Variants in CACNA2D3 observed in about 807,000 individuals in gnomAD.
The protein encoded by CACNA2D3 is calcium voltage-gated channel auxiliary subunit alpha2delta 3.
CACNA2D3 carries 60 observed loss-of-function variants against 160.6 expected under a neutral mutation model. That is an observed-to-expected ratio of 0.37 (90% CI 0.30 to 0.46). The LOEUF (loss-of-function observed/expected upper bound fraction) is 0.46, where lower values mean the gene tolerates loss of function less well. CACNA2D3 is among the 20% of genes least tolerant of loss of function. The pLI is 1.00. For missense variants in CACNA2D3, 1,205 were observed against 1,365.0 expected (o/e 0.88, Z 1.85); for synonymous variants, 558 against 492.9 (o/e 1.13, Z -1.75).
chr3:54,602,102 C>G (rs1295453433), intron 9 of CACNA2D3, among the ~76,000 whole-genome samples: 1 of 152,142 alleles, frequency 6.6e-6, no homozygotes, highest in African/African-American at 2.4e-5. Flanking sequence ...GTGTCTGCAG[C>G]AAGCCATAGT....
chr3:55,029,808 A>G (rs1403454222), intron 35 of CACNA2D3, among the ~76,000 whole-genome samples: 2 of 152,202 alleles, frequency 1.3e-5, no homozygotes, highest in Non-Finnish European at 2.9e-5. Flanking sequence ...AAGTTTTTTA[A>G]CCACTTAACT....
At chr3:54,350,992 T>TTTTTTG in intron 3 of CACNA2D3, among the ~76,000 whole-genome samples, 1 of 110,976 alleles carries the variant, frequency 9.0e-6, no homozygotes, top group Non-Finnish European at 2.0e-5. Context: ...GTTTGTTTTT[T>TTTTTTG]TTTTTTTTTT....
chr3:54,163,426 C>T (rs1559868080), intron 2 of CACNA2D3, among the ~76,000 whole-genome samples: 1 of 152,208 alleles, frequency 6.6e-6, no homozygotes, highest in African/African-American at 2.4e-5. Flanking sequence ...AAGGACCTGC[C>T]ATTCTCTGGG....
At chr3:54,813,485 A>G (rs974282272) in intron 13 of CACNA2D3, among the ~76,000 whole-genome samples, 4 of 152,132 alleles carry the variant, frequency 2.6e-5, no homozygotes, top group East Asian at 1.9e-4. Context: ...TTTCAAATCT[A>G]TTCCTCTAGC....
intron 31 of CACNA2D3, among the ~76,000 whole-genome samples, chr3:54,998,988 C>T (rs941003626): frequency 1.4e-4 from 21 of 152,158 alleles, no homozygotes; most frequent in African/African-American, 4.3e-4. Context: ...CCTCATGATC[C>T]GCCCGCCTTG....
chr3:54,799,495 A>G (rs1325114826), intron 13 of CACNA2D3, among the ~76,000 whole-genome samples: 1 of 152,068 alleles, frequency 6.6e-6, no homozygotes, highest in Non-Finnish European at 1.5e-5. Flanking sequence ...TAGTTAAGTT[A>G]CTATACAGAT....
intron 27 of CACNA2D3, among the ~76,000 whole-genome samples, chr3:54,916,721 T>A (rs1700671272): frequency 6.6e-6 from 1 of 152,202 alleles, no homozygotes; most frequent in Non-Finnish European, 1.5e-5. Context: ...TTCACCCGTT[T>A]CCCTGCATCT....
At chr3:55,028,011 A>C (rs2107172516) in intron 35 of CACNA2D3, among the ~76,000 whole-genome samples, 1 of 152,338 alleles carries the variant, frequency 6.6e-6, no homozygotes, top group East Asian at 1.9e-4. Context: ...GCTAGAACTA[A>C]GTAAATCATG....
At chr3:54,579,162 C>T (rs774561154) in intron 8 of CACNA2D3, among the ~76,000 whole-genome samples, 1 of 152,114 alleles carries the variant, frequency 6.6e-6, no homozygotes, top group Non-Finnish European at 1.5e-5. Context: ...AGTAAAACCA[C>T]GGTGGGAACC....
At position 54,986,573 on chromosome 3, in the gene CACNA2D3, C is replaced by T. The variant is rs576298409; in HGVS notation, c.2620-1110C>T. Among the ~76,000 whole-genome samples the T allele has an allele frequency of 1.8e-3, 281 of 152,318 alleles. 3 individuals carry two copies. Among genetic ancestry groups the T allele is most frequent in the African/African-American group, 6.4e-3 (267 of 41,566 alleles). On this transcript the variant is annotated intron_variant, in intron 30 of 37. Coordinates refer to ENST00000474759, the MANE Select transcript of CACNA2D3 (RefSeq NM_018398.3). ...TTTCCTTCTTCCTCCTTTTCTCCCC[C>T]TTTACATTTTGCCAAAGTTTATATA...
chr3:55,074,222 T>C lies in CACNA2D3; in HGVS notation c.*16T>C. ...CTCAAGGTGACACTGACTGAGATGT[T>C]CTCTTACTGACTGAGATGTTCTCTT... On this transcript the variant is annotated 3_prime_UTR_variant, in exon 38 of 38. Transcript: ENST00000474759. 1 of 1,009,328 alleles carries C rather than the reference T, an allele frequency of 9.9e-7. No homozygotes were observed. The highest frequency in any genetic ancestry group is 1.4e-6 in the Non-Finnish European group (1 of 700,206). The allele number at this position is 1,009,328 out of a possible 1,614,324, so 62.5% of individuals were successfully genotyped here.
intron 11 of CACNA2D3, among the ~76,000 whole-genome samples, chr3:54,682,058 G>A (rs1700360877): frequency 6.6e-6 from 1 of 151,972 alleles, no homozygotes. Flanking sequence ...ACAAATATGG[G>A]GGGGATTTGG....
intron 2 of CACNA2D3, among the ~76,000 whole-genome samples, chr3:54,142,483 A>G (rs1699955853): frequency 6.6e-6 from 1 of 152,050 alleles, no homozygotes; most frequent in South Asian, 2.1e-4. Context: ...CTTGATTTCT[A>G]ATTACTGTTG....
chr3:54,832,846 C>A (rs772904182), intron 14 of CACNA2D3, among the ~76,000 whole-genome samples: 6 of 152,104 alleles, frequency 3.9e-5, no homozygotes, highest in Admixed American at 2.0e-4. Context: ...AGCTGATGCT[C>A]GAGGAGTGTT....
At chr3:54,772,151 A>G (rs75925701) in intron 13 of CACNA2D3, among the ~76,000 whole-genome samples, 1 of 148,836 alleles carries the variant, frequency 6.7e-6, no homozygotes, top group African/African-American at 2.5e-5. Context: ...TTTGTTGATT[A>G]TCTAGTATGT....
chr3:55,035,129 C>T (rs1369502096), intron 35 of CACNA2D3, among the ~76,000 whole-genome samples: 1 of 152,068 alleles, frequency 6.6e-6, no homozygotes, highest in African/African-American at 2.4e-5. Flanking sequence ...TTTTATTTCT[C>T]ATATTAAGGT....
intron 27 of CACNA2D3, among the ~76,000 whole-genome samples, chr3:54,930,030 A>T (rs1378241852): frequency 6.6e-6 from 1 of 152,244 alleles, no homozygotes; most frequent in African/African-American, 2.4e-5. Context: ...CTTAAGAGCC[A>T]TCAGTCTCCA....
intron 3 of CACNA2D3, among the ~76,000 whole-genome samples, chr3:54,370,930 T>C (rs1308189708): frequency 6.6e-6 from 1 of 152,154 alleles, no homozygotes. Context: ...TCTGTTTCTA[T>C]GGATTTGCCT....
At chr3:55,056,259 C>A (rs1004050365) in intron 35 of CACNA2D3, among the ~76,000 whole-genome samples, 1 of 152,106 alleles carries the variant, frequency 6.6e-6, no homozygotes, top group African/African-American at 2.4e-5. Flanking sequence ...AATGAGATAT[C>A]ATTTCACACC....
Sources: allele counts gnomAD v4.1 joint callset (sites outside exome capture counted in the v4.1 genomes callset), GRCh38; gene constraint gnomAD v4.1.1; transcripts MANE v1.5; gene names NCBI Gene and HGNC (gene_info 2026-07-23, HGNC 2026-07-21).